The following FRMPD2 variants were observed in gnomAD, a reference collection of about 807,000 sequenced individuals.
FRMPD2 encodes the protein FERM and PDZ domain containing 2, also known as FERM and PDZ domain-containing protein 2.
A neutral mutation model predicts 140.1 loss-of-function variants in FRMPD2; 96 were observed. That is an observed-to-expected ratio of 0.69 (90% CI 0.58 to 0.81). The LOEUF (loss-of-function observed/expected upper bound fraction) is 0.81, where lower values mean the gene tolerates loss of function less well. Ranked by LOEUF, FRMPD2 falls within the 40% of genes least tolerant of loss-of-function variation. The pLI is 0.00. For synonymous variants in FRMPD2, 449 were observed against 547.6 expected (o/e 0.82, Z 2.52); for missense variants, 1,240 against 1,447.4 (o/e 0.86, Z 2.32).
intron 1 of FRMPD2, among the ~76,000 whole-genome samples, chr10:48,254,762 T>A (rs1041263979): frequency 9.2e-5 from 14 of 152,350 alleles, no homozygotes; most frequent in African/African-American, 2.9e-4. Flanking sequence ...AGAGGTTAAG[T>A]GACTTGGCCA....
chr10:48,255,959 T>C (rs971441773), intron 1 of FRMPD2, among the ~76,000 whole-genome samples: 1 of 152,200 alleles, frequency 6.6e-6, no homozygotes, highest in Non-Finnish European at 1.5e-5. Context: ...GCAGACCTCT[T>C]AGGCCAAGAA....
intron 27 of FRMPD2, 90 bp from the exon 28 acceptor site, chr10:48,163,761 A>G: frequency 3.1e-6 from 2 of 645,836 alleles, no homozygotes; most frequent in East Asian, 5.4e-5. Flanking sequence ...GTGATTATAG[A>G]TCAGAGTAGT....
intron 9 of FRMPD2, among the ~76,000 whole-genome samples, chr10:48,234,421 C>T (rs1366940749): frequency 5.3e-5 from 8 of 152,128 alleles, no homozygotes; most frequent in Admixed American, 6.5e-5. Context: ...GTGTTTCCCA[C>T]GGGACAGCCA....
chr10:48,245,055 C>T (rs867204419), intron 3 of FRMPD2, among the ~76,000 whole-genome samples: 5 of 152,190 alleles, frequency 3.3e-5, no homozygotes, highest in Admixed American at 6.5e-5. Context: ...CCATGACACT[C>T]AGTTTTGGTG....
chr10:48,265,348 A>G (rs1840661082), intron 1 of FRMPD2, among the ~76,000 whole-genome samples: 3 of 152,220 alleles, frequency 2.0e-5, no homozygotes, highest in Admixed American at 1.3e-4. Flanking sequence ...ATTGCAACAA[A>G]AGCAAAACTT....
chr10:48,228,313 T>A lies in FRMPD2; in HGVS notation c.1168+3802A>T, dbSNP rs375731703. 4.3e-4 allele frequency among the ~76,000 whole-genome samples: 65 copies of A among 152,004 alleles called. 2 individuals carry two copies. The South Asian group carries it at 0.013, about 31-fold the overall frequency. The stretch of plus-strand genomic sequence containing the variant: ...GCTTTTCAACAATGATTATGTTTTA[T>A]AAGATATATCTACTTAAAATGGTTT... On this transcript the variant is annotated intron_variant, in intron 10 of 28. Transcript: ENST00000374201.
rs1381534712 is a variant in FRMPD2, at chr10:48,201,396, A to C, written c.1798-12T>G. 1 of 1,612,684 alleles carries C rather than the reference A, an allele frequency of 6.2e-7. No homozygotes were observed. Among genetic ancestry groups the C allele is most frequent in the Non-Finnish European group, 8.5e-7 (1 of 1,179,226 alleles). Reference sequence around the variant, plus strand: ...GTGAACTTTTTTTGCTGAAGGAAGCAAACACAGACTTTAATACACTGATCA... The same window carrying C: ...GTGAACTTTTTTTGCTGAAGGAAGCCAACACAGACTTTAATACACTGATCA... On this transcript the variant is annotated splice_polypyrimidine_tract_variant and intron_variant, in intron 14 of 28. Transcript: ENST00000374201.
At chr10:48,222,221 A>C in intron 12 of FRMPD2, 92 bp downstream of exon 12, 3 of 1,339,918 alleles carry the variant, frequency 2.2e-6, no homozygotes, top group Non-Finnish European at 3.1e-6. Context: ...AACAATACTC[A>C]AAGCAGAGTC....
At chr10:48,239,719 T>C (rs756312474) in intron 6 of FRMPD2, 27 bp from the exon 7 acceptor site, 3 of 1,566,132 alleles carry the variant, frequency 1.9e-6, no homozygotes, top group Non-Finnish European at 2.6e-6. Context: ...GTAGAGGGTA[T>C]GGGCAGAAGC....
chr10:48,226,818 C>T (rs1839732600), intron 10 of FRMPD2, among the ~76,000 whole-genome samples: 2 of 152,234 alleles, frequency 1.3e-5, no homozygotes, highest in African/African-American at 2.4e-5. Context: ...GGCTCCCATG[C>T]CACATAAAAC....
chr10:48,185,206 A>G (rs1275605340), intron 18 of FRMPD2, among the ~76,000 whole-genome samples: 1 of 152,194 alleles, frequency 6.6e-6, no homozygotes, highest in African/African-American at 2.4e-5. Context: ...TGTTTCTTCT[A>G]CAGTTTTTCG....
At chr10:48,264,389 A>G (rs1840646935) in intron 1 of FRMPD2, among the ~76,000 whole-genome samples, 2 of 152,268 alleles carry the variant, frequency 1.3e-5, no homozygotes, top group African/African-American at 2.4e-5. Flanking sequence ...CAAATAATGA[A>G]CAAAAAACCT....
chr10:48,234,232 C>A (rs991230270), intron 9 of FRMPD2, among the ~76,000 whole-genome samples: 5 of 152,122 alleles, frequency 3.3e-5, no homozygotes. Context: ...TTGTGAATAT[C>A]CCTATGCCCA....
intron 15 of FRMPD2, among the ~76,000 whole-genome samples, chr10:48,193,212 C>T (rs757030845): frequency 4.6e-5 from 7 of 152,168 alleles, no homozygotes; most frequent in Admixed American, 6.5e-5. Context: ...GGGCTCCGGC[C>T]GAGCCTCCTG....
chr10:48,234,229 T>C (rs1247535015), intron 9 of FRMPD2, among the ~76,000 whole-genome samples: 1 of 152,182 alleles, frequency 6.6e-6, no homozygotes, highest in African/African-American at 2.4e-5. Flanking sequence ...ACCTTGTGAA[T>C]ATCCCTATGC....
At chr10:48,261,363 TA>T (rs1235558130) in intron 1 of FRMPD2, among the ~76,000 whole-genome samples, 1 of 150,976 alleles carries the variant, frequency 6.6e-6, no homozygotes, top group Non-Finnish European at 1.5e-5. Context: ...AAAGCAAAAA[TA>T]ATGGTAAATT....
At chr10:48,207,070 A>G (rs984775355) in intron 13 of FRMPD2, 137 bp from the exon 14 acceptor site, 4 of 726,344 alleles carry the variant, frequency 5.5e-6, no homozygotes, top group Non-Finnish European at 8.5e-6. Context: ...AAGTTTAGGA[A>G]ACACTGGGTC....
At chr10:48,204,525 G>A (rs920464181) in intron 14 of FRMPD2, among the ~76,000 whole-genome samples, 10 of 152,048 alleles carry the variant, frequency 6.6e-5, no homozygotes, top group Middle Eastern at 3.2e-3. Flanking sequence ...TTACAAAAGC[G>A]CCATCATACA....
At chr10:48,185,954 C>T (rs1459793985) in intron 17 of FRMPD2, among the ~76,000 whole-genome samples, 8 of 152,094 alleles carry the variant, frequency 5.3e-5, no homozygotes, top group East Asian at 3.8e-4. Flanking sequence ...TATTTTTTTC[C>T]GCATTGGTTT....
Sources: gnomAD v4.1 joint callset for allele counts (sites outside exome capture counted in the v4.1 genomes callset) on GRCh38, gnomAD v4.1.1 for gene constraint, MANE v1.5 for transcripts, NCBI Gene and HGNC (gene_info 2026-07-23, HGNC 2026-07-21) for gene names.